Variants in EPHA7 observed in about 807,000 individuals in gnomAD.
EPHA7 encodes the protein EPH receptor A7, also known as ephrin type-A receptor 7.
A neutral mutation model predicts 112.6 loss-of-function variants in EPHA7; 25 were observed. The observed-to-expected ratio is 0.22, with a 90% CI of 0.16 to 0.31. EPHA7 has a LOEUF of 0.31. EPHA7 is among the 10% of genes least tolerant of loss of function. The pLI is 1.00. For missense variants in EPHA7, 962 were observed against 1,212.6 expected, an observed-to-expected ratio of 0.79 and a Z score of 3.07; for synonymous variants, 437 against 406.5, an observed-to-expected ratio of 1.07 and a Z score of -0.90.
chr6:93,399,153 G>T (rs1263852730), intron 3 of EPHA7, among the ~76,000 whole-genome samples: 1 of 152,058 alleles, frequency 6.6e-6, no homozygotes, highest in African/African-American at 2.4e-5. Flanking sequence ...TTCTGCTCCT[G>T]CACAAATCTT....
In EPHA7 at chr6:93,240,464, A is replaced by G. The variant is rs540778755; in HGVS notation, c.*2962T>C. 4.6e-6 allele frequency: 1 copy of G among 218,572 alleles called. No homozygotes were observed. Among genetic ancestry groups the G allele is most frequent in the South Asian group, 1.9e-4 (1 of 5,400 alleles). The allele number at this position is 218,572 out of a possible 1,614,324, so 13.5% of individuals were successfully genotyped here. On this transcript the variant is annotated 3_prime_UTR_variant, in exon 17 of 17. Transcript: ENST00000369303. ...ACTAGCTAATGTAGATTACATAAGT[A>G]TACAATATGATTCAACTAATAGTGC...
At chr6:93,248,329 T>A (rs1020580051) in intron 14 of EPHA7, among the ~76,000 whole-genome samples, 57 of 152,110 alleles carry the variant, frequency 3.7e-4, no homozygotes, top group African/African-American at 1.3e-3. Context: ...TGAAAAAAAA[T>A]TCTTTTGTAT....
At chr6:93,251,234 A>T (rs1236276385) in intron 14 of EPHA7, among the ~76,000 whole-genome samples, 1 of 152,056 alleles carries the variant, frequency 6.6e-6, no homozygotes, top group Non-Finnish European at 1.5e-5. Flanking sequence ...TAAAGTCATA[A>T]ATCAGTGATG....
At chr6:93,379,438 T>C (rs564705210) in intron 3 of EPHA7, among the ~76,000 whole-genome samples, 128 of 152,216 alleles carry the variant, frequency 8.4e-4, no homozygotes, top group African/African-American at 2.9e-3. Context: ...CTTTAGAGCA[T>C]TATAATAACT....
At chr6:93,252,117 T>G (rs897312463) in intron 14 of EPHA7, among the ~76,000 whole-genome samples, 2 of 101,492 alleles carry the variant, frequency 2.0e-5, no homozygotes, top group African/African-American at 5.9e-5. Flanking sequence ...CAGAACTTTC[T>G]CACTCATTAG....
At position 93,358,257 on chromosome 6, in the gene EPHA7, T is replaced by C; in HGVS notation, c.987A>G (p.Thr329=). The C allele has an allele frequency of 6.2e-7, 1 of 1,606,726 alleles. No homozygotes were observed. The highest frequency in any genetic ancestry group is 8.5e-7 in the Non-Finnish European group (1 of 1,176,074). The change falls in exon 4 of 17, where the codon ACA becomes ACG. Residue 329 remains threonine (T), a splice_region_variant and synonymous_variant. Coordinates refer to ENST00000369303, the MANE Select transcript of EPHA7 (RefSeq NM_004440.4). The stretch of plus-strand genomic sequence containing the variant: ...CTTTACTTTCATAATACAACTCACT[T>C]GTGCACGCAACGTATGGTGGGTCAG... ...APSDPPYVAC[T]RPPSAPQNLI...
At chr6:93,251,927 T>C (rs1258438900) in intron 14 of EPHA7, among the ~76,000 whole-genome samples, 1 of 152,080 alleles carries the variant, frequency 6.6e-6, no homozygotes, top group Non-Finnish European at 1.5e-5. Context: ...ACTGTTTCCA[T>C]TGTAGTTAAA....
chr6:93,311,114 ATT>A (rs71542009), intron 5 of EPHA7, among the ~76,000 whole-genome samples: 50 of 78,500 alleles, frequency 6.4e-4, no homozygotes, highest in African/African-American at 2.1e-3. Context: ...ATGCCCAGCT[ATT>A]TTTTTTTTTT....
In EPHA7 at chr6:93,257,441, G is replaced by A. The variant is rs755658135; in HGVS notation, c.2172+21C>T. ...AGCAAGCATAGTATATTTAGAATAA[G>A]TGGATCACTTTGGTACTTACCCTGA... is the stretch of plus-strand genomic sequence containing the variant. On this transcript the variant is annotated intron_variant, in intron 12 of 16. Transcript: ENST00000369303. The A allele has an allele frequency of 2.5e-6, 4 of 1,577,924 alleles. No individual in the cohort carries two copies. In the Admixed American group the frequency reaches 6.9e-5, roughly 27 times the overall value.
chr6:93,403,764 A>G (rs751032849), intron 3 of EPHA7, among the ~76,000 whole-genome samples: 1 of 152,110 alleles, frequency 6.6e-6, no homozygotes, highest in African/African-American at 2.4e-5. Flanking sequence ...CCGGGAGACC[A>G]TAAGAAAATA....
chr6:93,245,563 G>A lies in EPHA7; in HGVS notation c.2727-110C>T, dbSNP rs1022601350. ...AAGAACAAAATTAGATGTTTTAATT[G>A]GTGTACATAATAAAAAATACATCGA... On this transcript the variant is annotated intron_variant, in intron 15 of 16. Coordinates refer to ENST00000369303, the MANE Select transcript of EPHA7 (RefSeq NM_004440.4). 7.4e-6 allele frequency: 8 copies of A among 1,074,474 alleles called. 1 individual carries two copies. In the Admixed American group the frequency reaches 1.8e-4, roughly 24 times the overall value. The allele number at this position is 1,074,474 out of a possible 1,614,324, so 66.6% of individuals were successfully genotyped here.
chr6:93,254,872 T>C, intron 13 of EPHA7, 76 bp from the exon 14 acceptor site: 1 of 1,261,290 alleles, frequency 7.9e-7, no homozygotes, highest in East Asian at 2.6e-5. Context: ...CATAAATACA[T>C]ATGTGCATTT....
rs56000883 is a variant in EPHA7, at chr6:93,381,200, T to A, written c.833-22789A>T. On this transcript the variant is annotated intron_variant, in intron 3 of 16. Coordinates refer to ENST00000369303, the MANE Select transcript of EPHA7 (RefSeq NM_004440.4). ...ATTTTTAGTGCTCCATGCACATCTG[T>A]CCTTGACAACACAATTACAAATTGA... Among the ~76,000 whole-genome samples, 982 of 152,322 alleles carry A rather than the reference T, an allele frequency of 6.4e-3. 5 individuals are homozygous for A. The highest frequency in any genetic ancestry group is 0.022 in the African/African-American group (935 of 41,584).
chr6:93,352,287 G>T (rs1775731603), intron 5 of EPHA7, among the ~76,000 whole-genome samples: 1 of 152,014 alleles, frequency 6.6e-6, no homozygotes, highest in Non-Finnish European at 1.5e-5. Context: ...TTTTTTGAGT[G>T]ATCTGTTTTT....
intron 14 of EPHA7, among the ~76,000 whole-genome samples, chr6:93,248,283 G>A (rs1320379580): frequency 1.3e-5 from 2 of 151,814 alleles, no homozygotes; most frequent in Non-Finnish European, 2.9e-5. Flanking sequence ...TGTAGGATAG[G>A]ATGTAATGAG....
chr6:93,408,601 T>C (rs1014271060), intron 3 of EPHA7, among the ~76,000 whole-genome samples: 2 of 151,824 alleles, frequency 1.3e-5, no homozygotes, highest in Non-Finnish European at 2.9e-5. Flanking sequence ...AACTGGTCTA[T>C]GGGACCTGAA....
intron 3 of EPHA7, among the ~76,000 whole-genome samples, chr6:93,384,567 G>GAA (rs1461402070): frequency 6.6e-6 from 1 of 152,038 alleles, no homozygotes; most frequent in Non-Finnish European, 1.5e-5. Flanking sequence ...CTAGCTATCT[G>GAA]ATCATCAAAT....
rs983169461 is a variant in EPHA7, at chr6:93,269,749, C to T, written c.1450-89G>A. ...TGTTTCAATTTAATTCAATTTGCTC[C>T]ATTGTTTTTATAGAGGCTACATTGT... is the stretch of plus-strand genomic sequence containing the variant. On this transcript the variant is annotated intron_variant, in intron 6 of 16. Transcript: ENST00000369303. The T allele has an allele frequency of 3.6e-6, 4 of 1,118,818 alleles. No individual in the cohort carries two copies. In the African/African-American group the frequency reaches 6.5e-5, roughly 18 times the overall value. The allele number at this position is 1,118,818 out of a possible 1,614,324, so 69.3% of individuals were successfully genotyped here.
intron 3 of EPHA7, among the ~76,000 whole-genome samples, chr6:93,387,957 AG>A (rs1377044842): frequency 2.4e-4 from 37 of 152,112 alleles, no homozygotes; most frequent in African/African-American, 8.4e-4. Context: ...ATAGATAGAT[AG>A]ATAGATAGAT....
Sources: allele counts gnomAD v4.1 joint callset (sites outside exome capture counted in the v4.1 genomes callset), GRCh38; gene constraint gnomAD v4.1.1; transcripts MANE v1.5; gene names NCBI Gene and HGNC (gene_info 2026-07-23, HGNC 2026-07-21).